Variants in DRC5 observed in about 807,000 individuals in gnomAD.
DRC5 encodes the protein dynein regulatory complex subunit 5.
chr6:44,287,691 G>C, the DRC5 span: 6 of 1,614,138 alleles, frequency 3.7e-6, no homozygotes, highest in Admixed American at 5.0e-5. Context: ...ACTTTGCAGG[G>C]ACTGGTGTGA....
At chr6:44,287,697 T>C in the DRC5 span, 1 of 1,614,074 alleles carries the variant, frequency 6.2e-7, no homozygotes. Flanking sequence ...CAGGGACTGG[T>C]GTGATTGAAG....
the DRC5 span, among the ~76,000 whole-genome samples, chr6:44,283,024 G>A: frequency 2.0e-5 from 3 of 151,898 alleles, no homozygotes; most frequent in Admixed American, 2.0e-4. Context: ...GGATGGTCTT[G>A]ATCTCCTGAC....
At chr6:44,288,886 C>T in the DRC5 span, among the ~76,000 whole-genome samples, 1 of 144,712 alleles carries the variant, frequency 6.9e-6, no homozygotes, top group East Asian at 2.2e-4. Flanking sequence ...CCCAGCTACT[C>T]GGAAGGCTGA....
the DRC5 span, among the ~76,000 whole-genome samples, chr6:44,284,489 C>T: frequency 4.6e-5 from 7 of 152,118 alleles, no homozygotes; most frequent in African/African-American, 1.7e-4. Context: ...TCAATTCAGA[C>T]CTCTCATCTG....
the DRC5 span, among the ~76,000 whole-genome samples, chr6:44,283,897 A>G: frequency 6.6e-6 from 1 of 152,126 alleles, no homozygotes; most frequent in Non-Finnish European, 1.5e-5. Flanking sequence ...TTGCCTTCTC[A>G]GTCATTGAAT....
At chr6:44,293,098 T>G in the DRC5 span, among the ~76,000 whole-genome samples, 1 of 152,060 alleles carries the variant, frequency 6.6e-6, no homozygotes, top group Admixed American at 6.6e-5. Context: ...ATGAAAGAGT[T>G]CAATGGGATA....
chr6:44,286,879 C>T, the DRC5 span, among the ~76,000 whole-genome samples: 1 of 152,188 alleles, frequency 6.6e-6, no homozygotes, highest in Middle Eastern at 3.2e-3. Flanking sequence ...CATTTCAAAA[C>T]AAGAAATTTT....
chr6:44,296,809 C>T, the DRC5 span, among the ~76,000 whole-genome samples: 1 of 152,344 alleles, frequency 6.6e-6, no homozygotes, highest in East Asian at 1.9e-4. Context: ...GTTCTCAGGG[C>T]TCTGGGCTTT....
chr6:44,280,486 AG>A, the DRC5 span: 1 of 866,454 alleles, frequency 1.2e-6, no homozygotes, highest in South Asian at 1.7e-5. Flanking sequence ...CTAAAACAAA[AG>A]TTTCACAAAA....
chr6:44,291,052 GC>G, the DRC5 span, among the ~76,000 whole-genome samples: 1 of 152,188 alleles, frequency 6.6e-6, no homozygotes, highest in African/African-American at 2.4e-5. Context: ...ATGTTCCAGG[GC>G]CCTGAACCAA....
the DRC5 span, chr6:44,286,286 G>T: frequency 1.2e-6 from 2 of 1,612,970 alleles, no homozygotes; most frequent in South Asian, 2.2e-5. Flanking sequence ...GAGGATCACC[G>T]CAGGGTCTGT....
the DRC5 span, chr6:44,280,150 G>A: frequency 4.4e-6 from 7 of 1,587,968 alleles, no homozygotes; most frequent in African/African-American, 8.1e-5. Flanking sequence ...ATGAGGGATG[G>A]GGCTGGGGCC....
chr6:44,293,578 G>A, the DRC5 span, among the ~76,000 whole-genome samples: 3 of 152,200 alleles, frequency 2.0e-5, 1 homozygote, highest in African/African-American at 7.2e-5. Flanking sequence ...AAACACCTAT[G>A]AGAGCTGGGG....
chr6:44,291,417 C>T, the DRC5 span, among the ~76,000 whole-genome samples: 3 of 152,286 alleles, frequency 2.0e-5, no homozygotes, highest in Admixed American at 6.5e-5. Context: ...AAAAGGATAA[C>T]GAGCAAAACT....
the DRC5 span, among the ~76,000 whole-genome samples, chr6:44,295,701 A>T: frequency 3.0e-4 from 45 of 152,186 alleles, no homozygotes; most frequent in African/African-American, 1.1e-3. Context: ...GCCTTCAATA[A>T]CATGTACATA....
chr6:44,278,853 G>A, the DRC5 span: 1 of 141,170 alleles, frequency 7.1e-6, no homozygotes, highest in Non-Finnish European at 1.5e-5. Context: ...TAGAACTTCT[G>A]CTAGCAGCTG....
At chr6:44,288,993 C>CAAAAAAA in the DRC5 span, among the ~76,000 whole-genome samples, 367 of 32,818 alleles carry the variant, frequency 0.011, 45 homozygotes, top group Middle Eastern at 0.045. Context: ...GACTCTGTCT[C>CAAAAAAA]AAAAAAAAAA....
chr6:44,294,715 T>C, the DRC5 span, among the ~76,000 whole-genome samples: 1 of 132,770 alleles, frequency 7.5e-6, no homozygotes, highest in African/African-American at 2.9e-5. Flanking sequence ...GAGGTTGCAG[T>C]GAGCTGAGAT....
At chr6:44,296,260 A>G in the DRC5 span, among the ~76,000 whole-genome samples, 1 of 152,214 alleles carries the variant, frequency 6.6e-6, no homozygotes. Context: ...TCTCCAGCTC[A>G]TGAGCTCTCT....
Sources: allele counts gnomAD v4.1 joint callset (sites outside exome capture counted in the v4.1 genomes callset), GRCh38; gene constraint gnomAD v4.1.1; transcripts MANE v1.5; gene names NCBI Gene and HGNC (gene_info 2026-07-23, HGNC 2026-07-21).